Variants in RYR2 observed in about 807,000 individuals in gnomAD.
RYR2 encodes the protein cardiac muscle ryanodine receptor-calcium release channel.
Under a neutral mutation model 601.1 loss-of-function variants are expected in RYR2, and 227 were observed. That is an observed-to-expected ratio of 0.38 (90% CI 0.34 to 0.42). RYR2 has a LOEUF of 0.42. RYR2 is among the 10% of genes least tolerant of loss of function. RYR2 has a pLI of 1.00. For synonymous variants in RYR2, 2,223 were observed against 2,175.1 expected (o/e 1.02, Z -0.61); for missense variants, 4,646 against 6,156.5 (o/e 0.75, Z 8.21).
chr1:237,813,365 AAATT>A (rs536154106), intron 100 of RYR2, among the ~76,000 whole-genome samples: 56 of 152,332 alleles, frequency 3.7e-4, no homozygotes, highest in African/African-American at 1.3e-3. Context: ...GAATTGCTAA[AAATT>A]AATAGAAAAA....
chr1:237,527,626 A>G (rs979632268), intron 24 of RYR2, among the ~76,000 whole-genome samples: 2 of 152,146 alleles, frequency 1.3e-5, no homozygotes, highest in African/African-American at 4.8e-5. Flanking sequence ...TTGCCTCTTC[A>G]TCTCTTTATC....
At chr1:237,445,664 G>T in intron 14 of RYR2, 142 bp downstream of exon 14, 1 of 974,500 alleles carries the variant, frequency 1.0e-6, no homozygotes, top group Non-Finnish European at 1.5e-6. Context: ...GTTAGGAAGT[G>T]TTAATGAGAT....
intron 42 of RYR2, among the ~76,000 whole-genome samples, chr1:237,631,771 G>A (rs531274341): frequency 5.9e-5 from 9 of 151,662 alleles, no homozygotes; most frequent in Admixed American, 2.6e-4. Flanking sequence ...GGGATTAGAG[G>A]CGCCCGCCAC....
chr1:237,042,463 C>A lies in RYR2; in HGVS notation c.-59C>A. On this transcript the variant is annotated 5_prime_UTR_variant, in exon 1 of 105. Transcript: ENST00000366574. ...AAGCAGAAGGCAGCGCCAGGGGCCG[C>A]CGCCGCCGCCGAGCTCCGCGGGGCT... 1 of 1,235,384 alleles carries A rather than the reference C, an allele frequency of 8.1e-7. No individual in the cohort carries two copies. Among genetic ancestry groups the A allele is most frequent in the Non-Finnish European group, 1.0e-6 (1 of 980,270 alleles). The allele number at this position is 1,235,384 out of a possible 1,614,324, so 76.5% of individuals were successfully genotyped here.
intron 18 of RYR2, 92 bp from the exon 19 acceptor site, chr1:237,492,862 A>AGGAAGGAAGAAG: frequency 2.4e-6 from 3 of 1,267,224 alleles, no homozygotes; most frequent in Non-Finnish European, 3.2e-6. Flanking sequence ...GAAGGAAGGA[A>AGGAAGGAAGAAG]GGAAGGAAGA....
chr1:237,535,484 T>C (rs377528202), intron 25 of RYR2, among the ~76,000 whole-genome samples: 74 of 144,710 alleles, frequency 5.1e-4, no homozygotes, highest in African/African-American at 1.4e-3. Context: ...CAAACACACA[T>C]ACACACACAC....
chr1:237,182,821 G>C (rs1678931233), intron 1 of RYR2, among the ~76,000 whole-genome samples: 1 of 152,194 alleles, frequency 6.6e-6, no homozygotes, highest in Non-Finnish European at 1.5e-5. Flanking sequence ...AAAGTAGCCA[G>C]AGGCCAGACA....
chr1:237,302,279 C>T (rs1693427466), intron 2 of RYR2, among the ~76,000 whole-genome samples: 1 of 152,142 alleles, frequency 6.6e-6, no homozygotes, highest in Admixed American at 6.5e-5. Flanking sequence ...ACATATTTTG[C>T]TTCCCTTTAC....
intron 1 of RYR2, among the ~76,000 whole-genome samples, chr1:237,164,272 C>A (rs1261630589): frequency 6.6e-6 from 1 of 151,998 alleles, no homozygotes; most frequent in East Asian, 1.9e-4. Flanking sequence ...GACTCTGTTT[C>A]AAAAAAGCAA....
At chr1:237,096,415 A>C (rs1558225653) in intron 1 of RYR2, among the ~76,000 whole-genome samples, 1 of 152,104 alleles carries the variant, frequency 6.6e-6, no homozygotes, top group Non-Finnish European at 1.5e-5. Context: ...CTTCTCGTTA[A>C]TTGTTCTTAT....
At chr1:237,706,448 G>A (rs1370617538) in intron 67 of RYR2, among the ~76,000 whole-genome samples, 4 of 152,198 alleles carry the variant, frequency 2.6e-5, no homozygotes, top group African/African-American at 9.7e-5. Context: ...GCTGCACAGT[G>A]AAAAGCAGCT....
intron 67 of RYR2, 133 bp downstream of exon 67, chr1:237,705,476 G>T (rs1688293208): frequency 2.7e-6 from 2 of 750,418 alleles, no homozygotes; most frequent in Non-Finnish European, 4.2e-6. Context: ...AAATGTTATT[G>T]TTTGGTATTC....
chr1:237,808,430 G>A (rs1660881233), intron 99 of RYR2, among the ~76,000 whole-genome samples: 1 of 152,102 alleles, frequency 6.6e-6, no homozygotes, highest in Admixed American at 6.5e-5. Context: ...AGATGCCGAG[G>A]CGGGCAGATC....
intron 97 of RYR2, among the ~76,000 whole-genome samples, chr1:237,798,801 C>CACACACACACAT (rs3835529): frequency 5.7e-4 from 85 of 148,398 alleles, no homozygotes; most frequent in East Asian, 4.9e-3. Flanking sequence ...CACACACACA[C>CACACACACACAT]ATATAGTGTG....
At chr1:237,232,191 G>C (rs1685071011) in intron 1 of RYR2, among the ~76,000 whole-genome samples, 1 of 152,098 alleles carries the variant, frequency 6.6e-6, no homozygotes. Flanking sequence ...GCAGAACCTA[G>C]GTAGCTTCAG....
intron 87 of RYR2, 42 bp downstream of exon 87, chr1:237,773,690 C>T: frequency 1.3e-6 from 2 of 1,566,700 alleles, no homozygotes; most frequent in Non-Finnish European, 1.7e-6. Context: ...CACTGAACTC[C>T]ATAGAAAAAT....
chr1:237,247,970 A>AAATGTGATACAAAAT (rs2149260881), intron 1 of RYR2, among the ~76,000 whole-genome samples: 1 of 152,246 alleles, frequency 6.6e-6, no homozygotes, highest in South Asian at 2.1e-4. Flanking sequence ...TCTGAGTAGA[A>AAATGTGATACAAAAT]GTGATACAAA....
At chr1:237,707,491 T>G (rs1196708829) in intron 68 of RYR2, among the ~76,000 whole-genome samples, 2 of 152,190 alleles carry the variant, frequency 1.3e-5, no homozygotes, top group Non-Finnish European at 2.9e-5. Context: ...GACTTGTCAA[T>G]CTCTGTAAGA....
chr1:237,385,309 C>G (rs376669424), intron 8 of RYR2, among the ~76,000 whole-genome samples: 1 of 152,152 alleles, frequency 6.6e-6, no homozygotes, highest in Non-Finnish European at 1.5e-5. Flanking sequence ...ACACAAAATG[C>G]TGTACCTCAG....
Sources: gnomAD v4.1 joint callset for allele counts (sites outside exome capture counted in the v4.1 genomes callset) on GRCh38, gnomAD v4.1.1 for gene constraint, MANE v1.5 for transcripts, NCBI Gene and HGNC (gene_info 2026-07-23, HGNC 2026-07-21) for gene names.